Variants in PRKAR1B observed in about 807,000 individuals in gnomAD.
PRKAR1B encodes cAMP-dependent protein kinase type I-beta regulatory subunit.
Under a neutral mutation model 46.5 loss-of-function variants are expected in PRKAR1B, and 22 were observed. The ratio of observed to expected loss-of-function variants is 0.47; its 90% CI spans 0.34 to 0.68. The LOEUF (loss-of-function observed/expected upper bound fraction) is 0.68, where lower values mean the gene tolerates loss of function less well. Ranked by LOEUF, PRKAR1B falls within the 30% of genes least tolerant of loss-of-function variation. The probability of loss-of-function intolerance (pLI) is 0.01; values close to 1 mark genes in which losing one functional copy is unlikely to be tolerated. For synonymous variants in PRKAR1B, 259 were observed against 217.7 expected, an observed-to-expected ratio of 1.19 and a Z score of -1.67; for missense variants, 445 against 535.6, an observed-to-expected ratio of 0.83 and a Z score of 1.67.
chr7:650,782 G>A (rs1267655868), intron 4 of PRKAR1B, among the ~76,000 whole-genome samples: 5 of 152,294 alleles, frequency 3.3e-5, no homozygotes, highest in East Asian at 1.9e-4. Flanking sequence ...GAGACGTCAC[G>A]TCATTTGCCA....
rs545161605 is a variant in PRKAR1B at position 561,104 on chromosome 7, G to A, written c.892-9634C>T. 6.0e-5 allele frequency among the ~76,000 whole-genome samples: 9 copies of A among 151,032 alleles called. No homozygotes were observed. In the East Asian group the frequency reaches 1.6e-3, roughly 26 times the overall value. On this transcript the variant is annotated intron_variant, in intron 9 of 10. Coordinates refer to ENST00000537384, the MANE Select transcript of PRKAR1B (RefSeq NM_001164760.2). ...CACACACACTGGTACGTGCATACAT[G>A]CACACACACCCCACACACAGGCACA...
chr7:685,299 T>C (rs930160775), intron 2 of PRKAR1B, among the ~76,000 whole-genome samples: 1 of 9,852 alleles, frequency 1.0e-4, no homozygotes, highest in Non-Finnish European at 1.9e-4. Context: ...TGTATACATA[T>C]ATATATACGT....
In PRKAR1B at chr7:644,442, C is replaced by T. The variant is rs1784532871; in HGVS notation, c.440+32787G>A. Among the ~76,000 whole-genome samples, 1 of 152,074 alleles carries T rather than the reference C, an allele frequency of 6.6e-6. No homozygotes were observed. ...GCTGAGGGGGGTCTCCACGGGAAGC[C>T]CTCTCTGCCTGCAGGCTCTTGCATC... On this transcript the variant is annotated intron_variant, in intron 4 of 10. Coordinates refer to ENST00000537384, the MANE Select transcript of PRKAR1B (RefSeq NM_001164760.2). This position sits in a 1 kb window ranked among gnomAD's most constrained non-coding sequence, Gnocchi z 4.9.
chr7:727,125 C>G (rs1424290793), intron 1 of PRKAR1B, 85 bp downstream of exon 1: 3 of 1,169,632 alleles, frequency 2.6e-6, no homozygotes, highest in Non-Finnish European at 3.2e-6. Flanking sequence ...GCCGCCCGCC[C>G]GAGGCCTGTG....
chr7:562,892 C>T (rs1384690718), intron 9 of PRKAR1B, among the ~76,000 whole-genome samples: 2 of 152,220 alleles, frequency 1.3e-5, no homozygotes, highest in Non-Finnish European at 2.9e-5. Flanking sequence ...GCAGAGATGC[C>T]CTGACCCTCG....
rs1022832718 is a variant in PRKAR1B, at chr7:596,415, C to A, written c.550-111G>T. 4 of 1,342,192 alleles carry A rather than the reference C, an allele frequency of 3.0e-6. No homozygotes were observed. The African/African-American group carries it at 4.4e-5, about 15-fold the overall frequency. The allele number at this position is 1,342,192 out of a possible 1,614,324, so 83.1% of individuals were successfully genotyped here. On this transcript the variant is annotated intron_variant, in intron 6 of 10. Transcript: ENST00000537384. ...TCTCCAGAAGAGGGTCCCCGCAGGG[C>A]GGGGCACAAGCCCTTTCGCTTGTGG... is the stretch of plus-strand genomic sequence containing the variant.
intron 4 of PRKAR1B, among the ~76,000 whole-genome samples, chr7:646,584 C>T (rs1342117569): frequency 6.6e-6 from 1 of 152,182 alleles, no homozygotes. Context: ...GGGCTGCGTG[C>T]AGAATCATGG....
intron 4 of PRKAR1B, among the ~76,000 whole-genome samples, chr7:661,575 C>T (rs1376833803): frequency 1.0e-4 from 4 of 39,468 alleles, no homozygotes; most frequent in Non-Finnish European, 1.6e-4. Context: ...AGGTCCCCAC[C>T]CCAACGGGTC....
intron 7 of PRKAR1B, among the ~76,000 whole-genome samples, chr7:595,546 TC>T (rs1364817920): frequency 6.6e-6 from 1 of 151,988 alleles, no homozygotes; most frequent in Non-Finnish European, 1.5e-5. Context: ...GAAAGGGTCC[TC>T]CCCGGGCTCC....
intron 2 of PRKAR1B, 132 bp from the exon 3 acceptor site, chr7:680,858 T>C (rs1778640965): frequency 1.9e-6 from 2 of 1,048,032 alleles, no homozygotes; most frequent in Non-Finnish European, 2.7e-6. Context: ...GAGTTGGACA[T>C]ACGGTTAGGC....
At chr7:635,595 G>T (rs1172516580) in intron 4 of PRKAR1B, among the ~76,000 whole-genome samples, 1 of 152,172 alleles carries the variant, frequency 6.6e-6, no homozygotes, top group South Asian at 2.1e-4. Flanking sequence ...AGCCCGGAAG[G>T]CTCGGGACTC....
intron 1 of PRKAR1B, among the ~76,000 whole-genome samples, chr7:716,238 TA>T (rs35540539): frequency 0.82 from 108,963 of 132,796 alleles, 44,576 homozygotes; most frequent in South Asian, 0.89. Context: ...TTTTTTTTTG[TA>T]AAAAAAAAAA....
upstream of PRKAR1B, among the ~76,000 whole-genome samples, chr7:728,850 C>G (rs562598867): frequency 6.6e-6 from 1 of 152,280 alleles, no homozygotes; most frequent in African/African-American, 2.4e-5. Context: ...GGCCTCACCT[C>G]TGGTCTCGGT....
intron 4 of PRKAR1B, among the ~76,000 whole-genome samples, chr7:609,743 C>CT (rs566324426): frequency 6.6e-6 from 1 of 151,972 alleles, no homozygotes; most frequent in Non-Finnish European, 1.5e-5. Context: ...GCCTAGTATT[C>CT]TTTTTTTTCT....
At chr7:699,200 G>A (rs1214423731) in intron 2 of PRKAR1B, among the ~76,000 whole-genome samples, 2 of 152,250 alleles carry the variant, frequency 1.3e-5, no homozygotes, top group Non-Finnish European at 2.9e-5. Context: ...ACTCTCCCTG[G>A]CTGATGGTGG....
chr7:682,443 A>G (rs1778741916), intron 2 of PRKAR1B, among the ~76,000 whole-genome samples: 1 of 152,094 alleles, frequency 6.6e-6, no homozygotes, highest in Non-Finnish European at 1.5e-5. Context: ...TAGTGAGACC[A>G]TAACTCAAAA....
intron 4 of PRKAR1B, among the ~76,000 whole-genome samples, chr7:612,456 GTGGATGGA>G (rs200108032): frequency 6.7e-6 from 1 of 148,458 alleles, no homozygotes; most frequent in Non-Finnish European, 1.5e-5. Flanking sequence ...GAGTAGATTA[GTGGATGGA>G]TGGATGGATG....
chr7:682,593 A>G (rs1318900628), intron 2 of PRKAR1B, among the ~76,000 whole-genome samples: 1 of 151,420 alleles, frequency 6.6e-6, no homozygotes, highest in African/African-American at 2.4e-5. Context: ...AAAATACAAA[A>G]AATTAGCTGG....
chr7:632,330 CCGGCACCGGCTT>C (rs1783801778), intron 4 of PRKAR1B, among the ~76,000 whole-genome samples: 2 of 152,184 alleles, frequency 1.3e-5, no homozygotes, highest in Non-Finnish European at 2.9e-5. Flanking sequence ...CTCGCCGAAG[CCGGCACCGGCTT>C]CGCAGAGACC....
Sources: gnomAD v4.1 joint callset for allele counts (sites outside exome capture counted in the v4.1 genomes callset) on GRCh38, gnomAD v4.1.1 for gene constraint, Gnocchi (gnomAD v3.1) non-coding constraint, MANE v1.5 for transcripts, NCBI Gene and HGNC (gene_info 2026-07-23, HGNC 2026-07-21) for gene names.